Variants in TMEM87A observed in about 807,000 individuals in gnomAD.
TMEM87A encodes transmembrane protein 87A.
In TMEM87A, 50 loss-of-function variants were observed where a neutral mutation model predicts 90.0. The observed-to-expected ratio is 0.56, with a 90% CI of 0.44 to 0.70. The LOEUF is 0.70. Ranked by LOEUF, TMEM87A falls within the 30% of genes least tolerant of loss-of-function variation. TMEM87A has a pLI of 0.00. For missense variants in TMEM87A, 577 were observed against 660.5 expected (o/e 0.87, Z 1.39); for synonymous variants, 226 against 226.7 (o/e 1.00, Z 0.03).
intron 6 of TMEM87A, among the ~76,000 whole-genome samples, chr15:42,246,104 C>T (rs947324064): frequency 1.3e-5 from 2 of 152,180 alleles, no homozygotes. Context: ...CTTCTTGTCT[C>T]CATGGAGTCA....
chr15:42,219,488 T>C (rs531427958), intron 17 of TMEM87A, 93 bp downstream of exon 17: 15 of 1,026,752 alleles, frequency 1.5e-5, no homozygotes, highest in Admixed American at 3.1e-5. Flanking sequence ...AAGACCAATG[T>C]CACAGAATTT....
At chr15:42,240,141 C>G (rs1231037098) in intron 7 of TMEM87A, among the ~76,000 whole-genome samples, 1 of 152,194 alleles carries the variant, frequency 6.6e-6, no homozygotes, top group Admixed American at 6.5e-5. Context: ...CCTTACAGGA[C>G]TTCCTTTTTA....
intron 6 of TMEM87A, among the ~76,000 whole-genome samples, chr15:42,253,485 G>T (rs902733067): frequency 1.3e-5 from 2 of 152,090 alleles, no homozygotes; most frequent in Non-Finnish European, 2.9e-5. Context: ...CCAGCCCTGG[G>T]AACACTCTAA....
chr15:42,242,074 A>G (rs1317358769), intron 7 of TMEM87A, among the ~76,000 whole-genome samples: 1 of 151,288 alleles, frequency 6.6e-6, no homozygotes, highest in Non-Finnish European at 1.5e-5. Context: ...CTCAAAAAAA[A>G]AAAGAAAAAA....
intron 6 of TMEM87A, among the ~76,000 whole-genome samples, chr15:42,253,626 G>A (rs939526191): frequency 2.0e-5 from 3 of 152,172 alleles, no homozygotes; most frequent in African/African-American, 7.2e-5. Context: ...CCTGCACCAC[G>A]ACTGCGAGTT....
intron 8 of TMEM87A, among the ~76,000 whole-genome samples, chr15:42,238,749 C>CTCT (rs1555406711): frequency 3.8e-4 from 46 of 119,592 alleles, no homozygotes; most frequent in Admixed American, 1.3e-3. Flanking sequence ...GTGAGACTCT[C>CTCT]TTTTTTTTTT....
intron 9 of TMEM87A, among the ~76,000 whole-genome samples, chr15:42,237,088 A>G (rs1243128285): frequency 6.6e-6 from 1 of 152,218 alleles, no homozygotes; most frequent in Non-Finnish European, 1.5e-5. Context: ...TGTGTCTTAC[A>G]ATCAGTGACA....
Position 42,219,616 on chromosome 15 carries a change from G to C in TMEM87A, c.1504C>G (p.Gln502Glu). ...ACTTTACTATTTCCATTGGGTTCTT[G>C]TTTGGTACTTCTCATTTTCATTCCT... ...FEGMKMRSTKQEPNGNSKVNK... is the reference protein window; with the variant it reads ...FEGMKMRSTKEEPNGNSKVNK... Residue 502 changes from glutamine (Q) to glutamate (E), a missense_variant, in exon 17 of 20, where the codon CAA (glutamine) becomes GAA (glutamate). Transcript: ENST00000389834. 1.9e-6 allele frequency: 3 copies of C among 1,600,182 alleles called. No homozygotes were observed. The highest frequency in any genetic ancestry group is 2.3e-5 in the East Asian group (1 of 44,336).
intron 6 of TMEM87A, among the ~76,000 whole-genome samples, chr15:42,245,943 A>C (rs971947998): frequency 6.6e-5 from 10 of 152,206 alleles, no homozygotes; most frequent in Admixed American, 3.9e-4. Context: ...AATGCGTATA[A>C]ATCAATGGTA....
intron 3 of TMEM87A, among the ~76,000 whole-genome samples, chr15:42,264,447 A>C (rs1046012185): frequency 1.3e-5 from 2 of 152,176 alleles, no homozygotes; most frequent in African/African-American, 4.8e-5. Context: ...AATTCTGAGT[A>C]GACTGGGAAA....
At chr15:42,234,664 A>C (rs2140938411) in intron 10 of TMEM87A, among the ~76,000 whole-genome samples, 1 of 152,302 alleles carries the variant, frequency 6.6e-6, no homozygotes, top group Middle Eastern at 3.4e-3. Flanking sequence ...ATCCCACTTA[A>C]AGCAAAATTC....
At chr15:42,246,571 G>A (rs1289624985) in intron 6 of TMEM87A, among the ~76,000 whole-genome samples, 2 of 152,012 alleles carry the variant, frequency 1.3e-5, no homozygotes, top group Non-Finnish European at 2.9e-5. Flanking sequence ...TCGAGAGTTT[G>A]CTCAGAATGA....
chr15:42,268,570 G>A (rs2051451339), intron 2 of TMEM87A, among the ~76,000 whole-genome samples: 2 of 152,162 alleles, frequency 1.3e-5, no homozygotes, highest in African/African-American at 4.8e-5. Context: ...AGGCAAGGGA[G>A]GCAGGAGGAT....
Position 42,256,629 on chromosome 15 carries a change from A to C in TMEM87A, c.504+4329T>G, listed in dbSNP as rs1340807355. ...GTAACAAGACTCAAGCCTTGAGTAG[A>C]ACTCAAAGTATGCTGTGCACAGAAG... On this transcript the variant is annotated intron_variant, in intron 6 of 19. Transcript: ENST00000389834. 2.0e-5 allele frequency among the ~76,000 whole-genome samples: 3 copies of C among 152,232 alleles called. No homozygotes were observed. In the East Asian group the frequency reaches 5.8e-4, roughly 29 times the overall value.
chr15:42,267,458 T>C (rs2051428259), intron 3 of TMEM87A, among the ~76,000 whole-genome samples: 1 of 152,190 alleles, frequency 6.6e-6, no homozygotes, highest in African/African-American at 2.4e-5. Flanking sequence ...TATATATCTG[T>C]ATGAGGTCAT....
intron 6 of TMEM87A, among the ~76,000 whole-genome samples, chr15:42,246,654 T>C (rs1269929943): frequency 6.6e-6 from 1 of 152,230 alleles, no homozygotes; most frequent in Non-Finnish European, 1.5e-5. Context: ...TAGTATTCCA[T>C]GGTGTATATG....
At chr15:42,237,330 A>G (rs981564573) in intron 9 of TMEM87A, 102 bp downstream of exon 9, 1 of 1,106,840 alleles carries the variant, frequency 9.0e-7, no homozygotes, top group Non-Finnish European at 1.3e-6. Flanking sequence ...TAATTAAGTA[A>G]TTGAAAAGTT....
At chr15:42,213,630 T>C (rs928180683) in intron 19 of TMEM87A, among the ~76,000 whole-genome samples, 6 of 152,190 alleles carry the variant, frequency 3.9e-5, no homozygotes, top group Non-Finnish European at 8.8e-5. Context: ...AGATTATAAA[T>C]TCCTGGGGAG....
rs374623136 is a variant in TMEM87A at position 42,220,917 on chromosome 15, G to A, written c.1404-782C>T. Reference sequence around the variant, plus strand: ...CACCATTCTCCTGCCTCAGCTTCCCGAATAGCTGGGAGTACAGGCGCCCGC... The same window carrying A: ...CACCATTCTCCTGCCTCAGCTTCCCAAATAGCTGGGAGTACAGGCGCCCGC... On this transcript the variant is annotated intron_variant, in intron 15 of 19. Coordinates refer to ENST00000389834, the MANE Select transcript of TMEM87A (RefSeq NM_015497.5). 7.9e-5 allele frequency among the ~76,000 whole-genome samples: 12 copies of A among 152,110 alleles called. No individual in the cohort carries two copies. In the East Asian group the frequency reaches 1.2e-3, roughly 15 times the overall value.
Sources: gnomAD v4.1 joint callset for allele counts (sites outside exome capture counted in the v4.1 genomes callset) on GRCh38, gnomAD v4.1.1 for gene constraint, MANE v1.5 for transcripts, NCBI Gene and HGNC (gene_info 2026-07-23, HGNC 2026-07-21) for gene names.